EPG5: variants seen among roughly 807,000 people sequenced by gnomAD.
EPG5 encodes the protein ectopic P-granules 5 autophagy tethering factor, also known as ectopic P granules protein 5 homolog.
EPG5 carries 159 observed loss-of-function variants against 302.7 expected under a neutral mutation model. The observed-to-expected ratio is 0.53, with a 90% CI of 0.46 to 0.60. The LOEUF (loss-of-function observed/expected upper bound fraction) is 0.60, where lower values mean the gene tolerates loss of function less well. EPG5 is among the 20% of genes least tolerant of loss of function. The probability of loss-of-function intolerance (pLI) is 0.00; values close to 1 mark genes in which losing one functional copy is unlikely to be tolerated. For missense variants in EPG5, 2,896 were observed against 3,092.4 expected (o/e 0.94, Z 1.51); for synonymous variants, 1,158 against 1,136.8 (o/e 1.02, Z -0.37).
the EPG5 span, chr18:45,825,585 C>A: frequency 1.3e-6 from 1 of 762,792 alleles, no homozygotes. Context: ...GTTCCTCCGG[C>A]TCCCGCAGAG....
intron 1 of EPG5, among the ~76,000 whole-genome samples, chr18:45,963,809 T>G (rs2051196418): frequency 6.6e-6 from 1 of 152,150 alleles, no homozygotes; most frequent in Non-Finnish European, 1.5e-5. Flanking sequence ...CAGTTTTGTT[T>G]TGAAAAATAT....
At chr18:45,921,272 A>T (rs1268026612) in intron 16 of EPG5, among the ~76,000 whole-genome samples, 3 of 152,236 alleles carry the variant, frequency 2.0e-5, no homozygotes, top group African/African-American at 7.2e-5. Context: ...AATTACACTT[A>T]CTGTGGAACA....
chr18:45,923,708 G>C (rs1285863150), intron 14 of EPG5, among the ~76,000 whole-genome samples: 1 of 152,192 alleles, frequency 6.6e-6, no homozygotes, highest in African/African-American at 2.4e-5. Context: ...CCACAAACCA[G>C]GAAGATGCTT....
intron 1 of EPG5, among the ~76,000 whole-genome samples, chr18:45,964,211 T>G (rs988068107): frequency 4.4e-4 from 67 of 152,340 alleles, no homozygotes; most frequent in African/African-American, 1.6e-3. Context: ...CAAAATAAAT[T>G]AAGAGGGAAT....
At chr18:45,897,342 T>C (rs760592207) in intron 27 of EPG5, among the ~76,000 whole-genome samples, 5 of 152,234 alleles carry the variant, frequency 3.3e-5, no homozygotes, top group Non-Finnish European at 5.9e-5. Context: ...CTTCTCTATA[T>C]AAAATTAACA....
chr18:45,852,710 G>A, intron 43 of EPG5, 61 bp from the exon 44 acceptor site: 3 of 1,398,182 alleles, frequency 2.1e-6, no homozygotes, highest in Non-Finnish European at 3.0e-6. Context: ...GACTGCCAGA[G>A]GTACAGCACA....
chr18:45,891,475 G>A (rs1272604154), intron 27 of EPG5, among the ~76,000 whole-genome samples: 1 of 149,890 alleles, frequency 6.7e-6, no homozygotes, highest in African/African-American at 2.5e-5. Context: ...CTCCAACCTG[G>A]GCGACAGCGT....
the EPG5 span, among the ~76,000 whole-genome samples, chr18:45,813,900 A>G: frequency 6.6e-6 from 1 of 152,148 alleles, no homozygotes; most frequent in Admixed American, 6.5e-5. Flanking sequence ...GTACCCTAGA[A>G]CTTAAAGTAT....
chr18:45,813,322 T>C, the EPG5 span, among the ~76,000 whole-genome samples: 2 of 152,228 alleles, frequency 1.3e-5, no homozygotes, highest in East Asian at 3.8e-4. Context: ...TTGGTGGGAC[T>C]GTAAACTAGT....
chr18:45,883,246 A>AG (rs1227071015), intron 30 of EPG5, among the ~76,000 whole-genome samples: 1 of 152,108 alleles, frequency 6.6e-6, no homozygotes, highest in Non-Finnish European at 1.5e-5. Context: ...AGAACTTCGT[A>AG]GCTCTCCTTC....
chr18:45,922,033 A>ATTATT (rs1162075546), intron 16 of EPG5, among the ~76,000 whole-genome samples: 10 of 152,166 alleles, frequency 6.6e-5, no homozygotes, highest in Admixed American at 5.2e-4. Flanking sequence ...CAGGTGATCA[A>ATTATT]TTATTTTTAT....
At chr18:45,927,800 A>G (rs534088702) in intron 13 of EPG5, among the ~76,000 whole-genome samples, 50 of 152,260 alleles carry the variant, frequency 3.3e-4, no homozygotes, top group African/African-American at 1.1e-3. Context: ...AAAAATCTAG[A>G]GACAGACATT....
At position 45,849,443 on chromosome 18, in the gene EPG5, A is replaced by G. The variant is rs1271411398; in HGVS notation, c.*3024T>C. 2 of 152,246 alleles carry G rather than the reference A, an allele frequency of 1.3e-5. No homozygotes were observed. Among genetic ancestry groups the G allele is most frequent in the Non-Finnish European group, 2.9e-5 (2 of 68,052 alleles). 9.4% of individuals were successfully genotyped at this position (152,246 alleles called of 1,614,324 possible). On this transcript the variant is annotated 3_prime_UTR_variant, in exon 44 of 44. Transcript: ENST00000282041. ...GAACGTGAATGACCCTTCTGACTGT[A>G]AAAGTCTACGATTCCAGGACATTTG...
rs1284271569 is a variant in EPG5, at chr18:45,954,935, G to C, written c.467C>G (p.Pro156Arg). Residue 156 changes from proline (P) to arginine (R), a missense_variant, in exon 2 of 44, where the codon CCC becomes CGC. Physicochemically the swap from Pro to Arg is moderately radical, Grantham distance 103. This residue lies in a region of EPG5 where 1,390 missense variants were observed against 1,430.0 expected (regional missense o/e 0.97). Transcript: ENST00000282041. ...CTGAGTATAAGAAAAATTAGATTGG[G>C]GTGCACTTTCTGAAAGTCCACCTTG... ...SVQGGLSESA[P>R]QSNFSYTQPA... 6.2e-7 allele frequency: 1 copy of C among 1,613,400 alleles called. No homozygotes were observed. Among genetic ancestry groups the C allele is most frequent in the Admixed American group, 1.7e-5 (1 of 59,862 alleles).
chr18:45,858,440 C>T lies in EPG5; in HGVS notation c.7226+126G>A, dbSNP rs893460167. On this transcript the variant is annotated intron_variant, in intron 41 of 43. Transcript: ENST00000282041. ...AAGAATCTTTCCAAAACAACTGTCACCATACCTTAAAACCTTATTTTTTAT... is the reference window on the plus strand; with the variant it reads ...AAGAATCTTTCCAAAACAACTGTCATCATACCTTAAAACCTTATTTTTTAT... The T allele has an allele frequency of 4.3e-6, 3 of 704,154 alleles. No homozygotes were observed. In the African/African-American group the frequency reaches 5.4e-5, roughly 13 times the overall value. The allele number at this position is 704,154 out of a possible 1,614,324, so 43.6% of individuals were successfully genotyped here.
chr18:45,833,604 C>T, the EPG5 span, among the ~76,000 whole-genome samples: 1 of 152,164 alleles, frequency 6.6e-6, no homozygotes, highest in East Asian at 1.9e-4. Context: ...TGAGCCACCA[C>T]GCCCGGCCTC....
intron 14 of EPG5, among the ~76,000 whole-genome samples, chr18:45,925,140 G>T (rs2145778226): frequency 6.6e-6 from 1 of 152,214 alleles, no homozygotes; most frequent in South Asian, 2.1e-4. Context: ...GGCAGAAGAG[G>T]CAATTAGGAG....
intron 19 of EPG5, 90 bp from the exon 20 acceptor site, chr18:45,915,711 C>A: frequency 1.0e-6 from 1 of 957,590 alleles, no homozygotes; most frequent in Admixed American, 2.1e-5. Flanking sequence ...TGTCTTACTA[C>A]AATACAAGAT....
chr18:45,930,061 T>C (rs1450739100), intron 12 of EPG5, among the ~76,000 whole-genome samples: 4 of 152,184 alleles, frequency 2.6e-5, no homozygotes, highest in African/African-American at 9.7e-5. Flanking sequence ...CAATGAACAT[T>C]TTGGTAACCA....
Sources: gnomAD v4.1 joint callset for allele counts (sites outside exome capture counted in the v4.1 genomes callset) on GRCh38, gnomAD v4.1.1 for gene constraint, gnomAD v4.1.1 regional missense constraint, MANE v1.5 for transcripts, NCBI Gene and HGNC (gene_info 2026-07-23, HGNC 2026-07-21) for gene names.